TM4SF5: variants seen among roughly 807,000 people sequenced by gnomAD.
The protein encoded by TM4SF5 is transmembrane 4 L six family member 5.
A neutral mutation model predicts 22.3 loss-of-function variants in TM4SF5; 16 were observed. That is an observed-to-expected ratio of 0.72 (90% CI 0.49 to 1.09). The LOEUF (loss-of-function observed/expected upper bound fraction) is 1.09. TM4SF5 is among the 50% of genes least tolerant of loss of function. TM4SF5 has a pLI of 0.00. For missense variants in TM4SF5, 249 were observed against 266.1 expected (o/e 0.94, Z 0.45); for synonymous variants, 113 against 109.6 (o/e 1.03, Z -0.19).
Position 4,783,142 on chromosome 17 carries a change from G to T in TM4SF5, c.*14G>T, listed in dbSNP as rs1481606410. The T allele has an allele frequency of 1.9e-6, 3 of 1,613,070 alleles. No homozygotes were observed. Among genetic ancestry groups the T allele is most frequent in the Non-Finnish European group, 1.7e-6 (2 of 1,179,790 alleles). On this transcript the variant is annotated 3_prime_UTR_variant, in exon 5 of 5. Coordinates refer to ENST00000270560, the MANE Select transcript of TM4SF5 (RefSeq NM_003963.3). ...ACACCTCACTGAGGCTCCACTGACCGCCGGGTTACACCTGCTCCTTCCTGG... is the reference window on the plus strand; with the variant it reads ...ACACCTCACTGAGGCTCCACTGACCTCCGGGTTACACCTGCTCCTTCCTGG...
At chr17:4,779,491 C>T (rs114968634) in intron 1 of TM4SF5, among the ~76,000 whole-genome samples, 1 of 151,614 alleles carries the variant, frequency 6.6e-6, no homozygotes, top group African/African-American at 2.4e-5. Context: ...TGTAGGGTGG[C>T]ATGGGGCAAG....
At chr17:4,782,787 T>A in intron 3 of TM4SF5, 67 bp from the exon 4 acceptor site, 1 of 1,575,804 alleles carries the variant, frequency 6.3e-7, no homozygotes, top group African/African-American at 1.3e-5. Context: ...CCCTGGGACG[T>A]ATTCTTGGGG....
intron 1 of TM4SF5, among the ~76,000 whole-genome samples, chr17:4,773,135 C>T (rs1230484298): frequency 6.6e-6 from 1 of 152,070 alleles, no homozygotes; most frequent in Non-Finnish European, 1.5e-5. Context: ...GAACTCCTGA[C>T]CTCAGGTGAT....
At chr17:4,782,812 G>T in intron 3 of TM4SF5, 42 bp from the exon 4 acceptor site, 1 of 1,589,222 alleles carries the variant, frequency 6.3e-7, no homozygotes, top group Non-Finnish European at 8.6e-7. Context: ...GGTGGCGCAC[G>T]CGCACGCTGC....
intron 2 of TM4SF5, among the ~76,000 whole-genome samples, chr17:4,781,227 G>A (rs1287785906): frequency 6.6e-6 from 1 of 151,986 alleles, no homozygotes; most frequent in African/African-American, 2.4e-5. Context: ...CTACTCAGGA[G>A]GCTGAGGCAG....
At chr17:4,780,958 C>A (rs1053360937) in intron 2 of TM4SF5, 89 bp downstream of exon 2, 4 of 1,125,548 alleles carry the variant, frequency 3.6e-6, no homozygotes, top group Admixed American at 2.1e-5. Flanking sequence ...GGTGGGAGTA[C>A]GGCTTGAGCC....
Position 4,782,915 on chromosome 17 carries a change from C to T in TM4SF5, c.457C>T (p.Pro153Ser), listed in dbSNP as rs1362787211. The change falls in exon 4 of 5, where the codon CCC (proline) becomes TCC (serine). Residue 153 changes from proline (P) to serine (S), a missense_variant. Pro to Ser is a moderately conservative substitution (Grantham distance 74). Transcript: ENST00000270560. ...DRCEAPPRVV[P>S]WNVTLFSLLV... Reference sequence around the variant, plus strand: ...GTGCGAGGCGCCCCCTCGCGTGGTCCCCTGGAATGTGACGCTCTTCTCGCT... The same window carrying T: ...GTGCGAGGCGCCCCCTCGCGTGGTCTCCTGGAATGTGACGCTCTTCTCGCT... 1 of 1,614,200 alleles carries T rather than the reference C, an allele frequency of 6.2e-7. No individual in the cohort carries two copies. Among genetic ancestry groups the T allele is most frequent in the Admixed American group, 1.7e-5 (1 of 60,032 alleles).
chr17:4,775,795 A>G (rs1917193367), intron 1 of TM4SF5, among the ~76,000 whole-genome samples: 1 of 152,128 alleles, frequency 6.6e-6, no homozygotes, highest in African/African-American at 2.4e-5. Flanking sequence ...TCTGTCTTCT[A>G]ACCCCATAGA....
intron 1 of TM4SF5, among the ~76,000 whole-genome samples, chr17:4,774,439 C>T (rs1408221915): frequency 6.6e-6 from 1 of 152,030 alleles, no homozygotes; most frequent in African/African-American, 2.4e-5. Flanking sequence ...CATGGAATGG[C>T]AGCGTGTGCC....
At position 4,780,086 on chromosome 17, in the gene TM4SF5, G is replaced by A. The variant is rs560158713; in HGVS notation, c.178-703G>A. ...TTTTTTTTTTTTGAGATGGAGTTTCGCTCTTATTGCCCGGGTTGGAGTACA... is the reference window on the plus strand; with the variant it reads ...TTTTTTTTTTTTGAGATGGAGTTTCACTCTTATTGCCCGGGTTGGAGTACA... On this transcript the variant is annotated intron_variant, in intron 1 of 4. Coordinates refer to ENST00000270560, the MANE Select transcript of TM4SF5 (RefSeq NM_003963.3). 4.0e-4 allele frequency among the ~76,000 whole-genome samples: 55 copies of A among 136,846 alleles called. 1 individual carries two copies. The East Asian group carries it at 8.8e-3, about 22-fold the overall frequency. 89.8% of individuals were successfully genotyped at this position (136,846 alleles called of 152,430 possible).
At chr17:4,776,084 G>A (rs1350344795) in intron 1 of TM4SF5, among the ~76,000 whole-genome samples, 1 of 151,312 alleles carries the variant, frequency 6.6e-6, no homozygotes, top group East Asian at 2.0e-4. Flanking sequence ...CCCGACCTCA[G>A]GTGATCCACC....
rs763506106 is a variant in TM4SF5 at position 4,771,931 on chromosome 17, G to A, written c.9G>A (p.Thr3=). The stretch of plus-strand genomic sequence containing the variant: ...CTTCCTGACACCTCACCATGTGTAC[G>A]GGAAAATGTGCCCGCTGTGTGGGGC... MC[T]GKCARCVGLS... The change falls in exon 1 of 5, where the codon ACG becomes ACA. Residue 3 remains threonine (T), a synonymous_variant. Transcript: ENST00000270560. 1.5e-5 allele frequency: 25 copies of A among 1,614,030 alleles called. No homozygotes were observed. The highest frequency in any genetic ancestry group is 2.7e-5 in the African/African-American group (2 of 74,908).
At chr17:4,774,198 C>G (rs1235065300) in intron 1 of TM4SF5, among the ~76,000 whole-genome samples, 1 of 152,120 alleles carries the variant, frequency 6.6e-6, no homozygotes, top group Non-Finnish European at 1.5e-5. Context: ...GGCGACAGAG[C>G]AAGACTCCAT....
At chr17:4,778,563 C>T (rs148663487) in intron 1 of TM4SF5, among the ~76,000 whole-genome samples, 1 of 152,186 alleles carries the variant, frequency 6.6e-6, no homozygotes, top group Non-Finnish European at 1.5e-5. Context: ...GCCATGATTG[C>T]ACCACTGCAT....
chr17:4,783,201 T>A lies in TM4SF5; in HGVS notation c.*73T>A. The A allele has an allele frequency of 6.3e-7, 1 of 1,596,084 alleles. No individual in the cohort carries two copies. Among genetic ancestry groups the A allele is most frequent in the Non-Finnish European group, 8.6e-7 (1 of 1,165,954 alleles). On this transcript the variant is annotated 3_prime_UTR_variant, in exon 5 of 5. Transcript: ENST00000270560. ...TCCCTTGCTCGCTAGAATAAACTGCTTTGCGCTCTCTTCTCTGTCTGAGAT... is the reference window on the plus strand; with the variant it reads ...TCCCTTGCTCGCTAGAATAAACTGCATTGCGCTCTCTTCTCTGTCTGAGAT...
intron 2 of TM4SF5, 37 bp downstream of exon 2, chr17:4,780,906 G>T: frequency 6.3e-7 from 1 of 1,583,824 alleles, no homozygotes; most frequent in Non-Finnish European, 8.6e-7. Flanking sequence ...AGGGCTGGGG[G>T]TGGTGTCTCA....
intron 1 of TM4SF5, among the ~76,000 whole-genome samples, chr17:4,774,129 G>C (rs2150644981): frequency 6.6e-6 from 1 of 152,332 alleles, no homozygotes; most frequent in South Asian, 2.1e-4. Context: ...ACTGAGGCAG[G>C]AGAACCCGGG....
chr17:4,782,818 G>A lies in TM4SF5; in HGVS notation c.396-36G>A, dbSNP rs772369263. ...TGGGGGCGGGGTGGCGCACGCGCAC[G>A]CTGCCTTCTCCCACGTGGCCTCACC... On this transcript the variant is annotated intron_variant, in intron 3 of 4. Coordinates refer to ENST00000270560, the MANE Select transcript of TM4SF5 (RefSeq NM_003963.3). The A allele has an allele frequency of 3.1e-6, 5 of 1,593,718 alleles. No homozygotes were observed. The African/African-American group carries it at 5.4e-5, about 17-fold the overall frequency.
chr17:4,774,784 G>A (rs1917177903), intron 1 of TM4SF5, among the ~76,000 whole-genome samples: 1 of 152,206 alleles, frequency 6.6e-6, no homozygotes, highest in Admixed American at 6.5e-5. Flanking sequence ...GCGCATGCCT[G>A]TAGTCCCAGC....
Sources: allele counts gnomAD v4.1 joint callset (sites outside exome capture counted in the v4.1 genomes callset), GRCh38; gene constraint gnomAD v4.1.1; transcripts MANE v1.5; gene names NCBI Gene and HGNC (gene_info 2026-07-23, HGNC 2026-07-21).